Variants in C6orf163 observed in about 807,000 individuals in gnomAD.
C6orf163 encodes chromosome 6 open reading frame 163.
Under a neutral mutation model 28.4 loss-of-function variants are expected in C6orf163, and 22 were observed. The observed-to-expected ratio is 0.78, with a 90% CI of 0.55 to 1.11. The LOEUF (loss-of-function observed/expected upper bound fraction) is 1.11. Ranked by LOEUF, C6orf163 falls within the 50% of genes least tolerant of loss-of-function variation. The pLI is 0.00. For synonymous variants in C6orf163, 110 were observed against 123.6 expected, an observed-to-expected ratio of 0.89 and a Z score of 0.73; for missense variants, 342 against 389.1, an observed-to-expected ratio of 0.88 and a Z score of 1.02.
chr6:87,360,719 T>C (rs1424292976), intron 4 of C6orf163, among the ~76,000 whole-genome samples: 1 of 152,216 alleles, frequency 6.6e-6, no homozygotes, highest in Non-Finnish European at 1.5e-5. Flanking sequence ...TCTTTTAAGC[T>C]TTTGTAATGT....
chr6:87,363,310 C>T (rs1777604363), intron 4 of C6orf163, among the ~76,000 whole-genome samples: 1 of 141,894 alleles, frequency 7.0e-6, no homozygotes, highest in Non-Finnish European at 1.5e-5. Context: ...CAGTCCATGA[C>T]ATTAAAACTA....
Position 87,350,379 on chromosome 6 carries a change from C to G in C6orf163, c.244-15C>G. On this transcript the variant is annotated splice_polypyrimidine_tract_variant and intron_variant, in intron 2 of 4. Transcript: ENST00000388923. ...TCTGATACATTAATAGATAAATGGA[C>G]TCTTTCTTTCAAAGGCTAATGAACG... 1 of 1,467,280 alleles carries G rather than the reference C, an allele frequency of 6.8e-7. No homozygotes were observed. The highest frequency in any genetic ancestry group is 9.2e-7 in the Non-Finnish European group (1 of 1,087,054). The allele number at this position is 1,467,280 out of a possible 1,614,324, so 90.9% of individuals were successfully genotyped here.
In C6orf163 at chr6:87,350,433, G is replaced by A. The variant is rs1480315050; in HGVS notation, c.283G>A (p.Glu95Lys). Residue 95 changes from glutamate to lysine, a missense_variant, in exon 3 of 5, where the codon GAA (glutamate) becomes AAA (lysine). Glu to Lys is a moderately conservative substitution (Grantham distance 56, BLOSUM62 1). Transcript: ENST00000388923. ...AAAACAAGCAGTGGAGAAAGCACTT[G>A]AAGAAGCAAATGACAGACACAAAAT... ...RQKQAVEKAL[E>K]EANDRHKIEI... 1 of 1,535,786 alleles carries A rather than the reference G, an allele frequency of 6.5e-7. No individual in the cohort carries two copies. Among genetic ancestry groups the A allele is most frequent in the South Asian group, 1.2e-5 (1 of 83,574 alleles).
chr6:87,356,658 A>G (rs1554218031), intron 4 of C6orf163, among the ~76,000 whole-genome samples, 155 bp downstream of exon 4: 2 of 152,228 alleles, frequency 1.3e-5, no homozygotes, highest in Non-Finnish European at 2.9e-5. Context: ...AACAATTTAT[A>G]TTGTAGAGTA....
At chr6:87,353,304 GAA>G (rs1300908434) in intron 3 of C6orf163, among the ~76,000 whole-genome samples, 2 of 152,190 alleles carry the variant, frequency 1.3e-5, no homozygotes, top group East Asian at 3.9e-4. Flanking sequence ...AAAAATGACT[GAA>G]AGAGTGTAAT....
chr6:87,345,524 T>C (rs1485709321), intron 1 of C6orf163, among the ~76,000 whole-genome samples: 1 of 152,252 alleles, frequency 6.6e-6, no homozygotes, highest in African/African-American at 2.4e-5. Flanking sequence ...TATTTGTATC[T>C]ATTATAAATC....
In C6orf163 at chr6:87,348,087, G is replaced by A. The variant is rs188846829; in HGVS notation, c.149-725G>A. 5.2e-4 allele frequency: 321 copies of A among 614,444 alleles called. 1 individual carries two copies. The Middle Eastern group carries it at 6.0e-3, about 11-fold the overall frequency. The allele number at this position is 614,444 out of a possible 1,614,324, so 38.1% of individuals were successfully genotyped here. ...AGGAGAATCACTTGAAACGGGAGGC[G>A]GAGGTTGCAGTGAGCCGAAATGGCG... On this transcript the variant is annotated intron_variant, in intron 1 of 4. Coordinates refer to ENST00000388923, the MANE Select transcript of C6orf163 (RefSeq NM_001010868.3).
Position 87,365,111 on chromosome 6 carries a change from G to A in C6orf163, c.705G>A (p.Val235=). Residue 235 remains valine, a synonymous_variant, in exon 5 of 5, where the codon GTG becomes GTA. Coordinates refer to ENST00000388923, the MANE Select transcript of C6orf163 (RefSeq NM_001010868.3). ...QRQRQEEVQE[V]LQEAEKTHQA... ...AGAGGCAAGAAGAGGTACAGGAAGTGCTTCAAGAAGCAGAGAAAACACATC... is the reference window on the plus strand; with the variant it reads ...AGAGGCAAGAAGAGGTACAGGAAGTACTTCAAGAAGCAGAGAAAACACATC... 1.9e-6 allele frequency: 3 copies of A among 1,551,992 alleles called. No individual in the cohort carries two copies. The highest frequency in any genetic ancestry group is 2.6e-6 in the Non-Finnish European group (3 of 1,147,074).
chr6:87,355,978 A>T (rs976287857), intron 3 of C6orf163, among the ~76,000 whole-genome samples: 3 of 152,220 alleles, frequency 2.0e-5, no homozygotes, highest in African/African-American at 7.2e-5. Flanking sequence ...ATGTATAATG[A>T]TAATATGATA....
chr6:87,359,452 CT>C (rs1777551153), intron 4 of C6orf163, among the ~76,000 whole-genome samples: 1 of 152,224 alleles, frequency 6.6e-6, no homozygotes, highest in Non-Finnish European at 1.5e-5. Flanking sequence ...CTGCAGTCTC[CT>C]GCCAGACCAG....
At chr6:87,347,418 T>G in intron 1 of C6orf163, 2 of 985,248 alleles carry the variant, frequency 2.0e-6, no homozygotes, top group Non-Finnish European at 2.4e-6. Flanking sequence ...AGTGATAGCC[T>G]ACACTTGTAT....
intron 3 of C6orf163, 54 bp from the exon 4 acceptor site, chr6:87,356,247 C>T: frequency 7.1e-7 from 1 of 1,400,192 alleles, no homozygotes; most frequent in Non-Finnish European, 9.9e-7. Flanking sequence ...TCCTAATGTG[C>T]AGTTTTAAAC....
intron 3 of C6orf163, 69 bp downstream of exon 3, chr6:87,350,570 G>A: frequency 2.3e-6 from 2 of 887,698 alleles, no homozygotes; most frequent in Admixed American, 2.7e-5. Flanking sequence ...GTTGGCAAGG[G>A]AATGAGAAAA....
chr6:87,359,908 T>C (rs1777557544), intron 4 of C6orf163, among the ~76,000 whole-genome samples: 1 of 152,156 alleles, frequency 6.6e-6, no homozygotes, highest in Non-Finnish European at 1.5e-5. Flanking sequence ...ACAGAAAGCA[T>C]AGACATTCAC....
chr6:87,359,090 A>G (rs1777546313), intron 4 of C6orf163: 1 of 152,316 alleles, frequency 6.6e-6, no homozygotes, highest in African/African-American at 2.4e-5. Flanking sequence ...TCACTAGAGC[A>G]TGGCTGCCCC....
At chr6:87,353,826 C>A (rs1021010162) in intron 3 of C6orf163, among the ~76,000 whole-genome samples, 2 of 152,106 alleles carry the variant, frequency 1.3e-5, no homozygotes, top group African/African-American at 4.8e-5. Flanking sequence ...CAACCTAAAC[C>A]CAACAGACTT....
chr6:87,363,089 A>T (rs1041524084), intron 4 of C6orf163, among the ~76,000 whole-genome samples: 4 of 152,210 alleles, frequency 2.6e-5, no homozygotes, highest in African/African-American at 9.7e-5. Flanking sequence ...ATGGAACCAC[A>T]CTACAGAATT....
At chr6:87,350,057 C>G (rs559083640) in intron 2 of C6orf163, among the ~76,000 whole-genome samples, 19 of 152,294 alleles carry the variant, frequency 1.2e-4, no homozygotes, top group Admixed American at 6.5e-4. Context: ...TTCCACAATG[C>G]ACATATGTTA....
rs547698857 is a variant in C6orf163 at position 87,345,829 on chromosome 6, A to G, written c.148+582A>G. On this transcript the variant is annotated intron_variant, in intron 1 of 4. Transcript: ENST00000388923. ...CTACTCGGGAGGCTGAGGTAAGAAA[A>G]TTGCTTGAACCCAGGAGGTGGAGGT... Among the ~76,000 whole-genome samples the G allele has an allele frequency of 6.2e-4, 92 of 148,708 alleles. No individual in the cohort carries two copies. The Middle Eastern group carries it at 0.01, about 17-fold the overall frequency.
Sources: gnomAD v4.1 joint callset for allele counts (sites outside exome capture counted in the v4.1 genomes callset) on GRCh38, gnomAD v4.1.1 for gene constraint, MANE v1.5 for transcripts, NCBI Gene and HGNC (gene_info 2026-07-23, HGNC 2026-07-21) for gene names.